MECOM: variants seen among roughly 807,000 people sequenced by gnomAD.
The protein encoded by MECOM is histone-lysine N-methyltransferase MECOM.
MECOM carries 13 observed loss-of-function variants against 116.3 expected under a neutral mutation model. The observed-to-expected ratio is 0.11, with a 90% confidence interval of 0.07 to 0.18. The LOEUF (loss-of-function observed/expected upper bound fraction) is 0.18, where lower values mean the gene tolerates loss of function less well. MECOM is among the 10% of genes least tolerant of loss of function. The probability of loss-of-function intolerance (pLI) is 1.00; values close to 1 mark genes in which losing one functional copy is unlikely to be tolerated. For synonymous variants in MECOM, 528 were observed against 535.2 expected (o/e 0.99, Z 0.19); for missense variants, 1,299 against 1,509.0 (o/e 0.86, Z 2.31).
chr3:169,506,409 C>T (rs1310379610), intron 1 of MECOM, among the ~76,000 whole-genome samples: 1 of 151,918 alleles, frequency 6.6e-6, no homozygotes, highest in Non-Finnish European at 1.5e-5. Flanking sequence ...AGAAATTTAG[C>T]GACTTTCCTC....
At chr3:169,488,664 C>T (rs1360197048) in intron 1 of MECOM, among the ~76,000 whole-genome samples, 3 of 151,668 alleles carry the variant, frequency 2.0e-5, no homozygotes, top group Non-Finnish European at 2.9e-5. Context: ...AAATGAATAA[C>T]AAAACTATAA....
chr3:169,460,336 A>G (rs1275992356), intron 1 of MECOM, among the ~76,000 whole-genome samples: 1 of 152,152 alleles, frequency 6.6e-6, no homozygotes, highest in African/African-American at 2.4e-5. Flanking sequence ...AATTCTTAAA[A>G]AGTCAGTTTG....
intron 1 of MECOM, among the ~76,000 whole-genome samples, chr3:169,410,729 C>T (rs753284060): frequency 1.3e-5 from 2 of 152,040 alleles, no homozygotes; most frequent in Non-Finnish European, 2.9e-5. Flanking sequence ...CCCATTGACG[C>T]CTATCAAAAC....
chr3:169,533,649 T>C (rs1006328281), intron 1 of MECOM, among the ~76,000 whole-genome samples: 10 of 150,766 alleles, frequency 6.6e-5, no homozygotes, highest in African/African-American at 2.4e-4. Context: ...TGCTTCTTCT[T>C]ATCTGACACG....
rs1364702098 is a variant in MECOM at position 169,097,824 on chromosome 3, A to T, written c.2850-2579T>A. On this transcript the variant is annotated intron_variant, in intron 12 of 16. Coordinates refer to ENST00000651503, the MANE Select transcript of MECOM (RefSeq NM_004991.4). ...TGAGACCTACTGTCTATATAAAAAA[A>T]AAAAAAAAAAAAAAAAGGTGGATTC... 6.3e-3 allele frequency among the ~76,000 whole-genome samples: 802 copies of T among 126,958 alleles called. 14 individuals are homozygous for T. The highest frequency in any genetic ancestry group is 0.016 in the African/African-American group (377 of 22,868). The allele number at this position is 126,958 out of a possible 152,430, so 83.3% of individuals were successfully genotyped here.
chr3:169,553,269 G>A (rs1196844518), intron 1 of MECOM, among the ~76,000 whole-genome samples: 1 of 152,034 alleles, frequency 6.6e-6, no homozygotes, highest in African/African-American at 2.4e-5. Context: ...TAAAAAAGGG[G>A]GGTTCTGTTC....
chr3:169,196,152 C>T (rs1219515870), intron 2 of MECOM, among the ~76,000 whole-genome samples: 2 of 151,926 alleles, frequency 1.3e-5, no homozygotes, highest in Admixed American at 6.6e-5. Context: ...GATAGCTTAT[C>T]AGCGTGTGCA....
intron 2 of MECOM, among the ~76,000 whole-genome samples, chr3:169,169,530 C>T (rs1744093457): frequency 1.3e-5 from 2 of 152,080 alleles, no homozygotes; most frequent in Admixed American, 1.3e-4. Context: ...GCTCTGATCT[C>T]AGGAGTGTTA....
intron 3 of MECOM, among the ~76,000 whole-genome samples, chr3:169,136,252 T>A (rs976331913): frequency 1.3e-5 from 2 of 151,628 alleles, no homozygotes; most frequent in Non-Finnish European, 3.0e-5. Flanking sequence ...CTTAGATATA[T>A]TACATATTTT....
chr3:169,088,852 A>T, intron 16 of MECOM, 148 bp downstream of exon 16: 1 of 626,392 alleles, frequency 1.6e-6, no homozygotes, highest in Non-Finnish European at 2.5e-6. Flanking sequence ...TAAATACAGT[A>T]AAGATATGAA....
At chr3:169,655,487 G>A (rs1171279270) in intron 1 of MECOM, among the ~76,000 whole-genome samples, 1 of 152,126 alleles carries the variant, frequency 6.6e-6, no homozygotes, top group Non-Finnish European at 1.5e-5. Flanking sequence ...AACTAAATTA[G>A]GGCTGTGTGG....
At chr3:169,489,250 C>G (rs1291839995) in intron 1 of MECOM, among the ~76,000 whole-genome samples, 1 of 152,038 alleles carries the variant, frequency 6.6e-6, no homozygotes, top group Non-Finnish European at 1.5e-5. Flanking sequence ...AATACATTAA[C>G]CTAGTATTAA....
chr3:169,561,989 T>C (rs1391613737), intron 1 of MECOM, among the ~76,000 whole-genome samples: 1 of 151,236 alleles, frequency 6.6e-6, no homozygotes, highest in African/African-American at 2.4e-5. Context: ...CTACTAAAAA[T>C]ACAAAAATTA....
chr3:169,301,740 A>G (rs1716755389), intron 2 of MECOM, among the ~76,000 whole-genome samples: 1 of 152,254 alleles, frequency 6.6e-6, no homozygotes, highest in South Asian at 2.1e-4. Context: ...ATGTTAATCA[A>G]GTAAAGTATA....
At chr3:169,487,024 G>T (rs1440798709) in intron 1 of MECOM, among the ~76,000 whole-genome samples, 1 of 151,564 alleles carries the variant, frequency 6.6e-6, no homozygotes, top group Admixed American at 6.6e-5. Context: ...TTAGAGAAAT[G>T]ATATCTCATG....
intron 1 of MECOM, among the ~76,000 whole-genome samples, chr3:169,487,753 T>C (rs1752576306): frequency 6.8e-6 from 1 of 146,890 alleles, no homozygotes; most frequent in South Asian, 2.2e-4. Context: ...TCCAGCTATG[T>C]GTTATTTGGA....
At chr3:169,387,661 A>G (rs1733578936) in intron 1 of MECOM, among the ~76,000 whole-genome samples, 1 of 152,196 alleles carries the variant, frequency 6.6e-6, no homozygotes, top group African/African-American at 2.4e-5. Flanking sequence ...GTAGTTATTA[A>G]GAAGTTAATT....
chr3:169,561,871 C>A (rs1042909165), intron 1 of MECOM, among the ~76,000 whole-genome samples: 1 of 151,978 alleles, frequency 6.6e-6, no homozygotes, highest in Admixed American at 6.5e-5. Context: ...CTAGGCTGGG[C>A]ATGTGTGCTC....
chr3:169,437,678 A>AC (rs1262595207), intron 1 of MECOM, among the ~76,000 whole-genome samples: 1 of 152,174 alleles, frequency 6.6e-6, no homozygotes, highest in African/African-American at 2.4e-5. Flanking sequence ...GTTAAAGAAA[A>AC]ATGAAAAGCG....
Sources: allele counts gnomAD v4.1 joint callset (sites outside exome capture counted in the v4.1 genomes callset), GRCh38; gene constraint gnomAD v4.1.1; transcripts MANE v1.5; gene names NCBI Gene and HGNC (gene_info 2026-07-23, HGNC 2026-07-21).